Variants in CCSER1 observed in about 807,000 individuals in gnomAD.
CCSER1 encodes the protein coiled-coil serine rich protein 1.
Under a neutral mutation model 82.0 loss-of-function variants are expected in CCSER1, and 41 were observed. That is an observed-to-expected ratio of 0.50 (90% CI 0.39 to 0.65). The LOEUF (loss-of-function observed/expected upper bound fraction) is 0.65. CCSER1 is among the 30% of genes least tolerant of loss of function. The pLI, the probability that CCSER1 is intolerant of heterozygous loss-of-function variation, is 0.00. For synonymous variants in CCSER1, 414 were observed against 383.9 expected (o/e 1.08, Z -0.92); for missense variants, 1,119 against 1,064.2 (o/e 1.05, Z -0.72).
At chr4:91,022,907 T>C (rs1740134563) in intron 9 of CCSER1, among the ~76,000 whole-genome samples, 1 of 152,200 alleles carries the variant, frequency 6.6e-6, no homozygotes, top group African/African-American at 2.4e-5. Context: ...ATTCTGGATG[T>C]TAGCCCTTTG....
rs1356022053 is a variant in CCSER1, at chr4:90,385,596, A to G, written c.1510-14440A>G. Among the ~76,000 whole-genome samples, 6 of 151,492 alleles carry G rather than the reference A, an allele frequency of 4.0e-5. No homozygotes were observed. In the South Asian group the frequency reaches 1.1e-3, roughly 27 times the overall value. On this transcript the variant is annotated intron_variant, in intron 3 of 10. Coordinates refer to ENST00000509176, the MANE Select transcript of CCSER1 (RefSeq NM_001145065.2). ...TGCCTCAGCCTCCCGAGTAGCTAGG[A>G]CTACAGGCGCTCACCACCACACCTG...
At chr4:90,727,538 T>C (rs1051223389) in intron 7 of CCSER1, among the ~76,000 whole-genome samples, 1 of 152,188 alleles carries the variant, frequency 6.6e-6, no homozygotes, top group African/African-American at 2.4e-5. Flanking sequence ...TCACTTCCTA[T>C]CTCATCTGCC....
intron 3 of CCSER1, among the ~76,000 whole-genome samples, chr4:90,341,892 C>CATAA (rs1321967343): frequency 6.6e-6 from 1 of 152,070 alleles, no homozygotes; most frequent in African/African-American, 2.4e-5. Context: ...GAATGTTTAC[C>CATAA]TTATATGCAT....
In CCSER1 at chr4:91,260,367, C is replaced by T. The variant is rs145861319; in HGVS notation, c.2217+174373C>T. The stretch of plus-strand genomic sequence containing the variant: ...AAAAAGTGCTCCACAGTACTTTCTA[C>T]CTCACTGGAATTAATCATACAAGTA... On this transcript the variant is annotated intron_variant, in intron 10 of 10. Coordinates refer to ENST00000509176, the MANE Select transcript of CCSER1 (RefSeq NM_001145065.2). 3.9e-5 allele frequency among the ~76,000 whole-genome samples: 6 copies of T among 152,296 alleles called. No individual in the cohort carries two copies. In the East Asian group the frequency reaches 9.7e-4, roughly 25 times the overall value.
chr4:90,959,327 A>T (rs1470487120), intron 9 of CCSER1, among the ~76,000 whole-genome samples: 1 of 152,172 alleles, frequency 6.6e-6, no homozygotes. Context: ...CATTGTGATT[A>T]TTCTATTTCT....
chr4:91,021,725 T>G (rs911654956), intron 9 of CCSER1, among the ~76,000 whole-genome samples: 9 of 152,158 alleles, frequency 5.9e-5, no homozygotes, highest in Admixed American at 2.6e-4. Context: ...ACAGTAAATT[T>G]CCTGTAAACC....
At chr4:91,033,667 T>A (rs1301490071) in intron 9 of CCSER1, among the ~76,000 whole-genome samples, 1 of 152,178 alleles carries the variant, frequency 6.6e-6, no homozygotes, top group Non-Finnish European at 1.5e-5. Flanking sequence ...AGCAACAGGC[T>A]AAGCATCTAG....
At chr4:90,715,537 G>C (rs1029584088) in intron 6 of CCSER1, among the ~76,000 whole-genome samples, 1 of 152,020 alleles carries the variant, frequency 6.6e-6, no homozygotes, top group African/African-American at 2.4e-5. Flanking sequence ...AGTCAACACT[G>C]AGACAATCAT....
chr4:90,326,868 A>G (rs1019538401), intron 3 of CCSER1, among the ~76,000 whole-genome samples: 2 of 152,204 alleles, frequency 1.3e-5, no homozygotes, highest in East Asian at 1.9e-4. Flanking sequence ...TCATTTGTAC[A>G]GGAGGAGCCA....
intron 10 of CCSER1, among the ~76,000 whole-genome samples, chr4:91,152,713 T>G (rs1040048308): frequency 1.2e-4 from 19 of 152,150 alleles, no homozygotes; most frequent in Non-Finnish European, 2.4e-4. Flanking sequence ...AGGCAGGCCT[T>G]GTAGTGACAA....
At chr4:90,759,724 G>A (rs1750136357) in intron 7 of CCSER1, among the ~76,000 whole-genome samples, 1 of 151,984 alleles carries the variant, frequency 6.6e-6, no homozygotes, top group South Asian at 2.1e-4. Flanking sequence ...ATCCCACTGT[G>A]GTTTTCACGA....
At chr4:90,510,807 A>G (rs997527176) in intron 5 of CCSER1, among the ~76,000 whole-genome samples, 12 of 152,194 alleles carry the variant, frequency 7.9e-5, no homozygotes, top group African/African-American at 2.4e-4. Flanking sequence ...GCCCAGCAGT[A>G]GAAAAAGACT....
chr4:91,233,051 T>C (rs892379403), intron 10 of CCSER1, among the ~76,000 whole-genome samples: 12 of 151,850 alleles, frequency 7.9e-5, no homozygotes, highest in South Asian at 4.1e-4. Context: ...GAGAGATCAT[T>C]TACTGGTTAC....
intron 5 of CCSER1, among the ~76,000 whole-genome samples, chr4:90,480,404 G>A (rs1261870571): frequency 6.6e-6 from 1 of 152,038 alleles, no homozygotes; most frequent in African/African-American, 2.4e-5. Context: ...TGTCACTTTT[G>A]GCTTTTGTTT....
At chr4:91,078,748 A>G (rs550402390) in intron 9 of CCSER1, among the ~76,000 whole-genome samples, 1 of 152,370 alleles carries the variant, frequency 6.6e-6, no homozygotes, top group South Asian at 2.1e-4. Flanking sequence ...GACCTGATGG[A>G]GCTGAAAACC....
chr4:91,462,534 C>T (rs939622224), intron 10 of CCSER1, among the ~76,000 whole-genome samples: 6 of 151,942 alleles, frequency 3.9e-5, no homozygotes, highest in East Asian at 1.9e-4. Flanking sequence ...GGCAGCCCAC[C>T]GAGTGTGAGC....
At chr4:90,952,145 A>G (rs1022846975) in intron 9 of CCSER1, among the ~76,000 whole-genome samples, 7 of 152,128 alleles carry the variant, frequency 4.6e-5, no homozygotes, top group African/African-American at 1.2e-4. Context: ...TTCTGTTGAT[A>G]TATTAGGAAA....
chr4:90,369,646 A>T (rs1358964892), intron 3 of CCSER1, among the ~76,000 whole-genome samples: 2 of 151,990 alleles, frequency 1.3e-5, no homozygotes, highest in Non-Finnish European at 2.9e-5. Context: ...GGAGTGTACT[A>T]ATATAAATGT....
At chr4:91,156,720 A>G (rs1300108368) in intron 10 of CCSER1, among the ~76,000 whole-genome samples, 2 of 151,742 alleles carry the variant, frequency 1.3e-5, no homozygotes, top group African/African-American at 2.4e-5. Flanking sequence ...ATCTTTCTTC[A>G]TTTGCATGTT....
Sources: gnomAD v4.1 joint callset for allele counts (sites outside exome capture counted in the v4.1 genomes callset) on GRCh38, gnomAD v4.1.1 for gene constraint, MANE v1.5 for transcripts, NCBI Gene and HGNC (gene_info 2026-07-23, HGNC 2026-07-21) for gene names.